RYR3: variants seen among roughly 807,000 people sequenced by gnomAD.
RYR3 encodes brain ryanodine receptor-calcium release channel.
In RYR3, 207 loss-of-function variants were observed where a neutral mutation model predicts 584.3. That is an observed-to-expected ratio of 0.35 (90% CI 0.32 to 0.40). The LOEUF (loss-of-function observed/expected upper bound fraction) is 0.40. RYR3 is among the 10% of genes least tolerant of loss of function. The pLI, the probability that RYR3 is intolerant of heterozygous loss-of-function variation, is 1.00. For synonymous variants in RYR3, 2,416 were observed against 2,248.5 expected, an observed-to-expected ratio of 1.07 and a Z score of -2.11; for missense variants, 5,616 against 6,089.2, an observed-to-expected ratio of 0.92 and a Z score of 2.59.
intron 20 of RYR3, among the ~76,000 whole-genome samples, chr15:33,626,181 G>A (rs1478997491): frequency 1.3e-5 from 2 of 152,202 alleles, no homozygotes; most frequent in African/African-American, 4.8e-5. Flanking sequence ...GGGTTCCAAA[G>A]AATGAGGTAA....
chr15:33,516,509 A>T (rs1374822973), intron 3 of RYR3, among the ~76,000 whole-genome samples: 1 of 151,794 alleles, frequency 6.6e-6, no homozygotes, highest in African/African-American at 2.4e-5. Flanking sequence ...ACGCCTGGCT[A>T]ATTTTTGGTA....
rs746671180 is a variant in RYR3, at chr15:33,848,383, C to G, written c.13590C>G (p.Asp4530Glu). ...LYITEQPSEDDIKGQWDRLVI... is the reference protein window; with the variant it reads ...LYITEQPSEDEIKGQWDRLVI... The stretch of plus-strand genomic sequence containing the variant: ...TCACCGAACAGCCATCTGAAGATGA[C>G]ATCAAGGGGCAGTGGGACCGCTTGG... Residue 4530 changes from aspartate (D) to glutamate (E), a missense_variant, in exon 94 of 104, where the codon GAC becomes GAG. Physicochemically the swap from Asp to Glu is conservative, Grantham distance 45. Coordinates refer to ENST00000634891, the MANE Select transcript of RYR3 (RefSeq NM_001036.6). 12 of 1,613,564 alleles carry G rather than the reference C, an allele frequency of 7.4e-6. 1 individual carries two copies. The highest frequency in any genetic ancestry group is 9.3e-6 in the Non-Finnish European group (11 of 1,179,862).
intron 28 of RYR3, among the ~76,000 whole-genome samples, 153 bp downstream of exon 28, chr15:33,644,672 G>A (rs2062000868): frequency 1.3e-5 from 2 of 152,186 alleles, no homozygotes; most frequent in South Asian, 4.1e-4. Flanking sequence ...AGCTGCAGTT[G>A]CAGGCATCTT....
intron 1 of RYR3, among the ~76,000 whole-genome samples, chr15:33,334,672 A>T (rs1970749970): frequency 6.6e-6 from 1 of 152,226 alleles, no homozygotes; most frequent in African/African-American, 2.4e-5. Flanking sequence ...AAAAGCAAAA[A>T]TTGACAAATG....
In RYR3 at chr15:33,419,206, A is replaced by C. The variant is rs139061736; in HGVS notation, c.52-54213A>C. On this transcript the variant is annotated intron_variant, in intron 1 of 103. Transcript: ENST00000634891. ...AGAAGCAAGAATTATTAGGCAAAGGAGAATCAGGTAAATTTGAAAAAGCCA... is the reference window on the plus strand; with the variant it reads ...AGAAGCAAGAATTATTAGGCAAAGGCGAATCAGGTAAATTTGAAAAAGCCA... 1.0e-3 allele frequency among the ~76,000 whole-genome samples: 156 copies of C among 152,322 alleles called. No homozygotes were observed. In the South Asian group the frequency reaches 0.013, roughly 13 times the overall value.
At chr15:33,443,270 A>T (rs954904) in intron 1 of RYR3, among the ~76,000 whole-genome samples, 77,738 of 151,210 alleles carry the variant, frequency 0.51, 19,942 homozygotes, top group Middle Eastern at 0.58. Context: ...AAAAAAAAAA[A>T]AAAACCCTGC....
intron 8 of RYR3, 37 bp from the exon 9 acceptor site, chr15:33,548,093 C>T (rs1485129059): frequency 4.0e-6 from 6 of 1,496,698 alleles, no homozygotes; most frequent in Non-Finnish European, 5.6e-6. Flanking sequence ...TGATCAGTGT[C>T]ATGCAAGTAG....
chr15:33,726,142 A>G (rs1474724938), intron 45 of RYR3, among the ~76,000 whole-genome samples: 1 of 152,092 alleles, frequency 6.6e-6, no homozygotes, highest in Non-Finnish European at 1.5e-5. Context: ...CCTCATGGCC[A>G]CTTTAATAAC....
At chr15:33,397,140 T>C (rs572113284) in intron 1 of RYR3, among the ~76,000 whole-genome samples, 33 of 152,310 alleles carry the variant, frequency 2.2e-4, no homozygotes, top group African/African-American at 7.0e-4. Flanking sequence ...TTATTTCTTA[T>C]AAAGGGTTAC....
chr15:33,550,368 A>T, intron 10 of RYR3, 52 bp downstream of exon 10: 1 of 1,543,022 alleles, frequency 6.5e-7, no homozygotes, highest in South Asian at 1.2e-5. Flanking sequence ...GAAAACTCAG[A>T]AACCTCCAGG....
chr15:33,667,519 T>C (rs2063550798), intron 36 of RYR3, among the ~76,000 whole-genome samples: 1 of 152,192 alleles, frequency 6.6e-6, no homozygotes, highest in Non-Finnish European at 1.5e-5. Context: ...TTTCATTCCT[T>C]ACTACTTCAA....
chr15:33,393,026 A>G (rs1489584959), intron 1 of RYR3, among the ~76,000 whole-genome samples: 4 of 152,246 alleles, frequency 2.6e-5, no homozygotes, highest in African/African-American at 9.6e-5. Context: ...GGAAATTCTG[A>G]AAACAGCCTC....
At chr15:33,394,028 C>T (rs1250615625) in intron 1 of RYR3, among the ~76,000 whole-genome samples, 1 of 152,146 alleles carries the variant, frequency 6.6e-6, no homozygotes, top group African/African-American at 2.4e-5. Flanking sequence ...ATAACAGAGC[C>T]AGGCTCAGTT....
chr15:33,699,696 C>T lies in RYR3; in HGVS notation c.6250-8C>T. Reference sequence around the variant, plus strand: ...CTTTTGTCTGACACTTTCTACTTCTCCCTACAGATTGCATTTCCAAAGATG... The same window carrying T: ...CTTTTGTCTGACACTTTCTACTTCTTCCTACAGATTGCATTTCCAAAGATG... On this transcript the variant is annotated splice_region_variant and splice_polypyrimidine_tract_variant and intron_variant, in intron 40 of 103. Transcript: ENST00000634891. 1.9e-6 allele frequency: 3 copies of T among 1,613,130 alleles called. No individual in the cohort carries two copies. The highest frequency in any genetic ancestry group is 2.5e-6 in the Non-Finnish European group (3 of 1,179,442).
chr15:33,773,442 T>TA (rs1343941787), intron 63 of RYR3, 92 bp from the exon 64 acceptor site: 10 of 849,466 alleles, frequency 1.2e-5, no homozygotes, highest in Non-Finnish European at 1.4e-5. Flanking sequence ...TTTTACTCTT[T>TA]ACTGATGCTC....
chr15:33,772,301 A>C, intron 63 of RYR3, 143 bp downstream of exon 63: 1 of 578,236 alleles, frequency 1.7e-6, no homozygotes, highest in Non-Finnish European at 3.1e-6. Context: ...TTAAAAAAGA[A>C]GAAGAAGAAG....
At chr15:33,555,315 C>T (rs1192946989) in intron 10 of RYR3, among the ~76,000 whole-genome samples, 1 of 152,128 alleles carries the variant, frequency 6.6e-6, no homozygotes, top group African/African-American at 2.4e-5. Flanking sequence ...GCTCCGTTTT[C>T]TCACCAAGTT....
At chr15:33,325,769 C>T (rs1595720596) in intron 1 of RYR3, among the ~76,000 whole-genome samples, 2 of 111,840 alleles carry the variant, frequency 1.8e-5, no homozygotes, top group African/African-American at 7.7e-5. Context: ...TTCCTTCCTT[C>T]CTTCCTTCTT....
Position 33,865,398 on chromosome 15 carries a change from T to TAATGGACATACACTGTGGGAG in RYR3, c.*174_*194dup. 1 of 588,730 alleles carries TAATGGACATACACTGTGGGAG rather than the reference T, an allele frequency of 1.7e-6. No individual in the cohort carries two copies. Among genetic ancestry groups the TAATGGACATACACTGTGGGAG allele is most frequent in the Admixed American group, 3.1e-5 (1 of 32,766 alleles). 36.5% of individuals were successfully genotyped at this position (588,730 alleles called of 1,614,324 possible). A position where few individuals can be genotyped will look rare whatever the true frequency, so the allele number is the denominator to read the frequency against. On this transcript the variant is annotated 3_prime_UTR_variant, in exon 104 of 104. Coordinates refer to ENST00000634891, the MANE Select transcript of RYR3 (RefSeq NM_001036.6). ...TGAAATTGATTTGGCTTTTTGTGCCTAATGGACATACACTGTGGGAGAGAA... is the reference window on the plus strand; with the variant it reads ...TGAAATTGATTTGGCTTTTTGTGCCTAATGGACATACACTGTGGGAGAATGGACATACACTGTGGGAGAGAA...
Sources: allele counts gnomAD v4.1 joint callset (sites outside exome capture counted in the v4.1 genomes callset), GRCh38; gene constraint gnomAD v4.1.1; transcripts MANE v1.5; gene names NCBI Gene and HGNC (gene_info 2026-07-23, HGNC 2026-07-21).